Variants in SLC1A4 observed in about 807,000 individuals in gnomAD.
The protein encoded by SLC1A4 is solute carrier family 1 member 4.
Under a neutral mutation model 37.7 loss-of-function variants are expected in SLC1A4, and 19 were observed. The ratio of observed to expected loss-of-function variants is 0.50; its 90% CI spans 0.35 to 0.74. SLC1A4 has a LOEUF of 0.74. SLC1A4 is among the 30% of genes least tolerant of loss of function. The pLI, the probability that SLC1A4 is intolerant of heterozygous loss-of-function variation, is 0.01. For synonymous variants in SLC1A4, 299 were observed against 309.8 expected (o/e 0.97, Z 0.37); for missense variants, 570 against 712.9 (o/e 0.80, Z 2.28).
At chr2:64,995,851 A>C (rs1312136858) in intron 1 of SLC1A4, among the ~76,000 whole-genome samples, 1 of 152,238 alleles carries the variant, frequency 6.6e-6, no homozygotes, top group Non-Finnish European at 1.5e-5. Context: ...AGAGAAATGC[A>C]TACCACCCTT....
At chr2:65,011,791 C>A (rs529283215) in intron 4 of SLC1A4, among the ~76,000 whole-genome samples, 2 of 152,196 alleles carry the variant, frequency 1.3e-5, no homozygotes, top group South Asian at 4.1e-4. Flanking sequence ...TTCTTTGAGA[C>A]GGAGCCTCTC....
chr2:65,020,868 C>T lies in SLC1A4; in HGVS notation c.1365-44C>T, dbSNP rs188218419. Reference sequence around the variant, plus strand: ...CAGGCTGCCTGTGACAGGACCCGATCGCCCAGCAGTAGATATAATAGCTGC... The same window carrying T: ...CAGGCTGCCTGTGACAGGACCCGATTGCCCAGCAGTAGATATAATAGCTGC... On this transcript the variant is annotated intron_variant, in intron 7 of 7. Transcript: ENST00000234256. The T allele has an allele frequency of 9.7e-5, 149 of 1,530,532 alleles. No individual in the cohort carries two copies. In the African/African-American group the frequency reaches 1.2e-3, roughly 12 times the overall value. 94.8% of individuals were successfully genotyped at this position (1,530,532 alleles called of 1,614,324 possible). A position where few individuals can be genotyped will look rare whatever the true frequency, so the allele number is the denominator to read the frequency against.
At chr2:65,003,140 G>C (rs1030094257) in intron 2 of SLC1A4, among the ~76,000 whole-genome samples, 2 of 152,146 alleles carry the variant, frequency 1.3e-5, no homozygotes, top group Non-Finnish European at 2.9e-5. Context: ...CTGCCTTTCT[G>C]TAACACTGAT....
At chr2:64,999,246 T>C (rs1198902995) in intron 1 of SLC1A4, among the ~76,000 whole-genome samples, 1 of 152,228 alleles carries the variant, frequency 6.6e-6, no homozygotes, top group Non-Finnish European at 1.5e-5. Flanking sequence ...TTTGCAACAA[T>C]TTAATTCAGC....
At chr2:64,995,689 G>T (rs561697689) in intron 1 of SLC1A4, among the ~76,000 whole-genome samples, 41 of 152,164 alleles carry the variant, frequency 2.7e-4, no homozygotes, top group Non-Finnish European at 5.6e-4. Context: ...TATTTATCAG[G>T]TGTACATACC....
At chr2:65,006,356 G>T (rs975333016) in intron 3 of SLC1A4, among the ~76,000 whole-genome samples, 3 of 152,170 alleles carry the variant, frequency 2.0e-5, no homozygotes, top group Non-Finnish European at 2.9e-5. Context: ...GCCAGGCATG[G>T]TGGTGGGCAC....
chr2:64,994,050 C>T (rs1541580), intron 1 of SLC1A4, among the ~76,000 whole-genome samples: 116,550 of 152,152 alleles, frequency 0.77, 44,944 homozygotes, highest in East Asian at 0.88. Flanking sequence ...AATGTAGTCT[C>T]TAGGTGTATT....
At chr2:64,991,664 G>A (rs769885012) in intron 1 of SLC1A4, among the ~76,000 whole-genome samples, 1 of 151,988 alleles carries the variant, frequency 6.6e-6, no homozygotes. Flanking sequence ...TGCAGTGTGC[G>A]ATCTCGGCTC....
intron 2 of SLC1A4, among the ~76,000 whole-genome samples, chr2:65,002,570 CTTTTTTTTTTTTT>C (rs70937394): frequency 8.5e-5 from 5 of 59,056 alleles, no homozygotes; most frequent in Admixed American, 5.3e-4. Context: ...TGTGACCATT[CTTTTTTTTTTTTT>C]TTTTTTTTTT....
At chr2:64,997,990 T>C (rs1673323544) in intron 1 of SLC1A4, among the ~76,000 whole-genome samples, 1 of 151,930 alleles carries the variant, frequency 6.6e-6, no homozygotes, top group South Asian at 2.1e-4. Flanking sequence ...TCCTAGCACT[T>C]TGGGAGGCTG....
intron 1 of SLC1A4, among the ~76,000 whole-genome samples, chr2:64,995,680 A>G (rs1389932926): frequency 2.0e-5 from 3 of 152,200 alleles, no homozygotes; most frequent in East Asian, 1.9e-4. Context: ...GATAATAAAT[A>G]TTTATCAGGT....
Position 65,021,506 on chromosome 2 carries a change from G to A in SLC1A4, c.*360G>A, listed in dbSNP as rs995713992. ...AATGCAGATGTATTTCACTCTCCCC[G>A]GTCAGCTCTGCATCAGGTGTTTTCT... is the stretch of plus-strand genomic sequence containing the variant. On this transcript the variant is annotated 3_prime_UTR_variant, in exon 8 of 8. Coordinates refer to ENST00000234256, the MANE Select transcript of SLC1A4 (RefSeq NM_003038.5). 2.9e-5 allele frequency: 7 copies of A among 242,698 alleles called. No individual in the cohort carries two copies. Among genetic ancestry groups the A allele is most frequent in the African/African-American group, 4.5e-5 (2 of 44,358 alleles). The allele number at this position is 242,698 out of a possible 1,614,324, so 15.0% of individuals were successfully genotyped here.
At chr2:64,997,387 C>G (rs1228663129) in intron 1 of SLC1A4, among the ~76,000 whole-genome samples, 1 of 152,174 alleles carries the variant, frequency 6.6e-6, no homozygotes, top group Non-Finnish European at 1.5e-5. Context: ...TCAATGAGTT[C>G]TGACAAATGG....
chr2:64,993,548 C>T (rs915846392), intron 1 of SLC1A4, among the ~76,000 whole-genome samples: 3 of 152,108 alleles, frequency 2.0e-5, no homozygotes, highest in Non-Finnish European at 4.4e-5. Flanking sequence ...CTGAGCAGCC[C>T]GGAGTTCTGT....
intron 4 of SLC1A4, among the ~76,000 whole-genome samples, chr2:65,011,982 T>C (rs1673939229): frequency 6.6e-6 from 1 of 151,676 alleles, no homozygotes; most frequent in Non-Finnish European, 1.5e-5. Flanking sequence ...TTGGCCAGGC[T>C]GGTCTCTAAC....
intron 3 of SLC1A4, among the ~76,000 whole-genome samples, chr2:65,008,237 T>C (rs1480599178): frequency 2.6e-5 from 4 of 152,192 alleles, no homozygotes; most frequent in Non-Finnish European, 4.4e-5. Context: ...AGTAGGCCAG[T>C]AGCAGAGCCA....
At chr2:65,003,815 C>A in intron 2 of SLC1A4, 138 bp from the exon 3 acceptor site, 2 of 639,802 alleles carry the variant, frequency 3.1e-6, no homozygotes, top group Non-Finnish European at 5.6e-6. Context: ...TTTTGTCAGG[C>A]CAGCCAAGTG....
intron 1 of SLC1A4, chr2:65,001,181 C>T: frequency 2.6e-6 from 1 of 382,488 alleles, no homozygotes; most frequent in South Asian, 4.3e-5. Flanking sequence ...GGAGAGAGAA[C>T]ACTGTGTTAG....
intron 3 of SLC1A4, among the ~76,000 whole-genome samples, chr2:65,005,047 G>A (rs982107018): frequency 6.6e-6 from 1 of 152,168 alleles, no homozygotes; most frequent in Non-Finnish European, 1.5e-5. Context: ...TCTTCCTTCA[G>A]TTTACATCCA....
Sources: allele counts gnomAD v4.1 joint callset (sites outside exome capture counted in the v4.1 genomes callset), GRCh38; gene constraint gnomAD v4.1.1; transcripts MANE v1.5; gene names NCBI Gene and HGNC (gene_info 2026-07-23, HGNC 2026-07-21).